Variants in DHRSX observed in about 807,000 individuals in gnomAD.
The protein encoded by DHRSX is dehydrogenase/reductase X-linked.
DHRSX carries 31 observed loss-of-function variants against 34.0 expected under a neutral mutation model. That is an observed-to-expected ratio of 0.91 (90% CI 0.69 to 1.23). The LOEUF is 1.23. Among genes scored for constraint, DHRSX ranks in the 50% most tolerant of loss-of-function variants. The probability of loss-of-function intolerance (pLI) is 0.00; values close to 1 mark genes in which losing one functional copy is unlikely to be tolerated. For missense variants in DHRSX, 414 were observed against 428.1 expected (o/e 0.97, Z 0.29); for synonymous variants, 201 against 183.8 (o/e 1.09, Z -0.76).
chrX:2,235,599 TG>T (rs943920958), intron 6 of DHRSX, among the ~76,000 whole-genome samples: 51 of 146,938 alleles, frequency 3.5e-4, no homozygotes, highest in African/African-American at 1.3e-3. Flanking sequence ...AAAAATTAGC[TG>T]GGTGTGGTGA....
intron 3 of DHRSX, among the ~76,000 whole-genome samples, chrX:2,384,817 C>G (rs780244760): frequency 2.1e-4 from 32 of 151,020 alleles, no homozygotes; most frequent in African/African-American, 7.1e-4. Context: ...GCTGGATGAC[C>G]AGTTGGTGGG....
intron 2 of DHRSX, among the ~76,000 whole-genome samples, chrX:2,412,631 C>T (rs1290633191): frequency 6.7e-6 from 1 of 148,320 alleles, no homozygotes; most frequent in Non-Finnish European, 1.5e-5. Flanking sequence ...GATATCTACA[C>T]CCCCATGTTC....
rs763041799 is a variant in DHRSX at position 2,489,538 on chromosome X, G to A, written c.109+11279C>T. On this transcript the variant is annotated intron_variant, in intron 1 of 6. Transcript: ENST00000334651. Reference sequence around the variant, plus strand: ...GCTGCAGGAGCTCCACCAGCCCCTCGATGGTGGCCCACTCGCTGGCCTCCA... The same window carrying A: ...GCTGCAGGAGCTCCACCAGCCCCTCAATGGTGGCCCACTCGCTGGCCTCCA... 1.4e-5 allele frequency: 22 copies of A among 1,612,792 alleles called. No individual in the cohort carries two copies. The South Asian group carries it at 1.5e-4, about 11-fold the overall frequency.
chrX:2,222,984 C>T (rs73626155), intron 6 of DHRSX, among the ~76,000 whole-genome samples: 5,016 of 152,204 alleles, frequency 0.033, 296 homozygotes, highest in African/African-American at 0.11. Context: ...CACTGACTTG[C>T]CTCTGCTCTT....
intron 4 of DHRSX, among the ~76,000 whole-genome samples, chrX:2,273,429 G>A (rs183240513): frequency 6.4e-4 from 98 of 152,258 alleles, no homozygotes; most frequent in African/African-American, 1.6e-3. Context: ...ATTATTCTAC[G>A]TGGAGTCACT....
At chrX:2,368,302 G>A (rs1255166001) in intron 3 of DHRSX, among the ~76,000 whole-genome samples, 1 of 151,268 alleles carries the variant, frequency 6.6e-6, no homozygotes, top group Non-Finnish European at 1.5e-5. Context: ...CATTTTTTAT[G>A]TAATAACAAA....
chrX:2,460,677 A>T (rs905636489), intron 1 of DHRSX, among the ~76,000 whole-genome samples: 11 of 150,276 alleles, frequency 7.3e-5, no homozygotes, highest in East Asian at 3.9e-4. Flanking sequence ...TCCAACTCCC[A>T]GGCTCAAGTG....
At chrX:2,424,087 A>G (rs780375014) in intron 2 of DHRSX, among the ~76,000 whole-genome samples, 3 of 152,278 alleles carry the variant, frequency 2.0e-5, no homozygotes, top group Non-Finnish European at 2.9e-5. Flanking sequence ...AGGTCACCAG[A>G]GTGGGCCCCG....
chrX:2,384,341 C>G (rs1336704596), intron 3 of DHRSX, among the ~76,000 whole-genome samples: 1 of 152,080 alleles, frequency 6.6e-6, no homozygotes, highest in African/African-American at 2.4e-5. Context: ...AGTTTGGAAA[C>G]AAATATATTG....
intron 1 of DHRSX, among the ~76,000 whole-genome samples, chrX:2,431,343 A>AC (rs1275442812): frequency 2.2e-3 from 224 of 102,422 alleles, no homozygotes; most frequent in African/African-American, 8.2e-3. Context: ...AAAAAAAAAG[A>AC]CAAAAAAAAC....
chrX:2,259,146 G>A (rs1022090098), intron 5 of DHRSX, among the ~76,000 whole-genome samples: 13 of 151,918 alleles, frequency 8.6e-5, no homozygotes, highest in African/African-American at 2.7e-4. Flanking sequence ...GATGGCGCAT[G>A]CCTGTAATCC....
intron 4 of DHRSX, among the ~76,000 whole-genome samples, chrX:2,274,047 T>C (rs183453988): frequency 1.5e-3 from 224 of 152,228 alleles, no homozygotes; most frequent in African/African-American, 4.9e-3. Context: ...TTATTATTAT[T>C]ATTACTTTGA....
At position 2,349,927 on chromosome X, in the gene DHRSX, T is replaced by C. The variant is rs2042768452; in HGVS notation, c.287-58324A>G. On this transcript the variant is annotated intron_variant, in intron 3 of 6. Coordinates refer to ENST00000334651, the MANE Select transcript of DHRSX (RefSeq NM_145177.3). ...GGTGGCAGGCGCCTGCAGTCCCAGC[T>C]ACTCAGGAGGCTGAAGCAGGAGAAT... Among the ~76,000 whole-genome samples, 4 of 150,726 alleles carry C rather than the reference T, an allele frequency of 2.7e-5. No individual in the cohort carries two copies. In the South Asian group the frequency reaches 8.4e-4, roughly 32 times the overall value.
intron 3 of DHRSX, among the ~76,000 whole-genome samples, chrX:2,339,367 G>A (rs2042611831): frequency 1.3e-5 from 2 of 152,034 alleles, no homozygotes; most frequent in South Asian, 4.2e-4. Flanking sequence ...TTGAACTCCT[G>A]ACTTAAGGTA....
At chrX:2,290,240 A>G (rs2041850038) in intron 4 of DHRSX, among the ~76,000 whole-genome samples, 1 of 152,106 alleles carries the variant, frequency 6.6e-6, no homozygotes, top group Non-Finnish European at 1.5e-5. Context: ...CCACTTTCCT[A>G]TCCTCCAATC....
At chrX:2,268,532 T>C (rs753012297) in intron 4 of DHRSX, among the ~76,000 whole-genome samples, 2 of 152,336 alleles carry the variant, frequency 1.3e-5, no homozygotes, top group East Asian at 1.9e-4. Flanking sequence ...TATATGCCTA[T>C]AGAGATATAT....
intron 6 of DHRSX, among the ~76,000 whole-genome samples, chrX:2,230,077 A>G (rs373513842): frequency 4.9e-4 from 74 of 152,258 alleles, no homozygotes; most frequent in African/African-American, 1.6e-3. Flanking sequence ...TTGCACGTGT[A>G]TATGTGCATG....
intron 3 of DHRSX, among the ~76,000 whole-genome samples, chrX:2,332,290 T>C (rs2042489055): frequency 6.6e-6 from 1 of 152,126 alleles, no homozygotes; most frequent in Non-Finnish European, 1.5e-5. Flanking sequence ...AGGGTGTGGG[T>C]AGCTCGTAAG....
chrX:2,479,804 A>C (rs1465866322), intron 1 of DHRSX, among the ~76,000 whole-genome samples: 1 of 150,492 alleles, frequency 6.6e-6, no homozygotes, highest in South Asian at 2.1e-4. Context: ...AGCATGCAGC[A>C]AAGGGACTGC....
Sources: allele counts gnomAD v4.1 joint callset (sites outside exome capture counted in the v4.1 genomes callset), GRCh38; gene constraint gnomAD v4.1.1; transcripts MANE v1.5; gene names NCBI Gene and HGNC (gene_info 2026-07-23, HGNC 2026-07-21).